The following HHIPL1 variants were observed in gnomAD, a reference collection of about 807,000 sequenced individuals.
HHIPL1 encodes the protein HHIP like 1, also known as HHIP-like protein 1.
Under a neutral mutation model 61.8 loss-of-function variants are expected in HHIPL1, and 43 were observed. The ratio of observed to expected loss-of-function variants is 0.70; its 90% CI spans 0.55 to 0.90. The LOEUF (loss-of-function observed/expected upper bound fraction) is 0.90, where lower values mean the gene tolerates loss of function less well. HHIPL1 is among the 40% of genes least tolerant of loss of function. HHIPL1 has a pLI of 0.00. For missense variants in HHIPL1, 1,056 were observed against 1,157.7 expected (o/e 0.91, Z 1.28); for synonymous variants, 482 against 515.8 (o/e 0.93, Z 0.89).
At chr14:99,613,252 TTC>T in the HHIPL1 span, among the ~76,000 whole-genome samples, 1 of 151,676 alleles carries the variant, frequency 6.6e-6, no homozygotes, top group African/African-American at 2.4e-5. Flanking sequence ...AGTGACAAAC[TTC>T]TTTTTGTTTT....
At chr14:99,622,941 C>T in the HHIPL1 span, among the ~76,000 whole-genome samples, 61 of 152,340 alleles carry the variant, frequency 4.0e-4, no homozygotes, top group African/African-American at 1.5e-3. Context: ...AATTTCAGAG[C>T]CTACCTGGGA....
At chr14:99,673,714 A>G (rs1595172283) in intron 8 of HHIPL1, among the ~76,000 whole-genome samples, 1 of 1,846 alleles carries the variant, frequency 5.4e-4, no homozygotes, top group Non-Finnish European at 1.0e-3. Context: ...GTGCACCTGG[A>G]GGGGTTGCAC....
rs1454999215 is a variant in HHIPL1 at position 99,675,567 on chromosome 14, A to G, written c.2290A>G (p.Asn764Asp). 6.5e-7 allele frequency: 1 copy of G among 1,537,258 alleles called. No individual in the cohort carries two copies. Among genetic ancestry groups the G allele is most frequent in the Admixed American group, 2.0e-5 (1 of 50,906 alleles). The part of the protein sequence containing the change: ...ECQHNGVGTH[N>D]CEHDEDAGVV... ...CCAGCACAACGGCGTGGGCACCCAC[A>G]ACTGCGAGCACGACGAGGATGCGGG... The change falls in exon 9 of 9, where the codon AAC (asparagine) becomes GAC (aspartate). Residue 764 changes from asparagine (N) to aspartate (D), a missense_variant. By Grantham distance (23) the Asn-to-Asp change is conservative (BLOSUM62 1). Coordinates refer to ENST00000330710, the MANE Select transcript of HHIPL1 (RefSeq NM_001127258.3). This position sits in a 1 kb window ranked among gnomAD's most constrained non-coding sequence, Gnocchi z 5.4.
At chr14:99,665,929 G>A (rs11623755) in intron 6 of HHIPL1, among the ~76,000 whole-genome samples, 37,051 of 151,910 alleles carry the variant, frequency 0.24, 5,069 homozygotes, top group African/African-American at 0.34. Flanking sequence ...CTATAGGTGC[G>A]CACCACCATG....
the HHIPL1 span, among the ~76,000 whole-genome samples, chr14:99,631,368 G>T: frequency 1.4e-4 from 21 of 152,154 alleles, no homozygotes; most frequent in Admixed American, 5.9e-4. Context: ...ACCGCGCCCG[G>T]CCTGGTTCCA....
the HHIPL1 span, among the ~76,000 whole-genome samples, chr14:99,635,406 C>T: frequency 2.7e-5 from 4 of 150,584 alleles, no homozygotes; most frequent in Admixed American, 2.0e-4. Context: ...ACTGAGAAGC[C>T]GGGGAATCAG....
In HHIPL1 at chr14:99,674,738, G is replaced by A. The variant is rs796507288; in HGVS notation, c.1814-353G>A. ...TCATTGCCTTCCAGAGTTATGAAGT[G>A]CCAGGAGCTGGCTCCCCCACCAACC... is the stretch of plus-strand genomic sequence containing the variant. On this transcript the variant is annotated intron_variant, in intron 8 of 8. Coordinates refer to ENST00000330710, the MANE Select transcript of HHIPL1 (RefSeq NM_001127258.3). Among the ~76,000 whole-genome samples the A allele has an allele frequency of 1.2e-4, 19 of 152,302 alleles. 1 individual carries two copies. The highest frequency in any genetic ancestry group is 4.6e-4 in the African/African-American group (19 of 41,562).
At chr14:99,650,453 C>T (rs1039710737) in intron 1 of HHIPL1, among the ~76,000 whole-genome samples, 1 of 152,204 alleles carries the variant, frequency 6.6e-6, no homozygotes, top group Non-Finnish European at 1.5e-5. Flanking sequence ...CACAGGCCGG[C>T]GGCTCTAACA....
chr14:99,616,621 T>C, the HHIPL1 span, among the ~76,000 whole-genome samples: 1 of 152,138 alleles, frequency 6.6e-6, no homozygotes, highest in East Asian at 1.9e-4. Flanking sequence ...CTCTGGGAAG[T>C]AGGAATTGGG....
At chr14:99,652,184 A>C (rs1595150578) in intron 1 of HHIPL1, 40 bp from the exon 2 acceptor site, 2 of 1,538,666 alleles carry the variant, frequency 1.3e-6, no homozygotes, top group African/African-American at 2.7e-5. Flanking sequence ...GCTGGTAAGC[A>C]CCTCCACAAA....
intron 1 of HHIPL1, among the ~76,000 whole-genome samples, chr14:99,648,811 G>A (rs996265624): frequency 2.0e-5 from 3 of 152,176 alleles, no homozygotes; most frequent in African/African-American, 7.2e-5. Context: ...AATATCCGAT[G>A]GACAGGACAC....
the HHIPL1 span, among the ~76,000 whole-genome samples, chr14:99,618,195 G>A: frequency 6.6e-6 from 1 of 152,152 alleles, no homozygotes; most frequent in Non-Finnish European, 1.5e-5. Flanking sequence ...AGGGGACACC[G>A]CTAGCTACCA....
rs138226329 is a variant in HHIPL1, at chr14:99,665,374, T to C, written c.1648+2353T>C. On this transcript the variant is annotated intron_variant, in intron 6 of 8. Transcript: ENST00000330710. ...CTCTCTGCGCATCAGTCCTTCCTTC[T>C]GGGTATGGGGCTGTCTCTGGAATGG... Among the ~76,000 whole-genome samples the C allele has an allele frequency of 7.9e-5, 12 of 152,294 alleles. No individual in the cohort carries two copies. In the East Asian group the frequency reaches 2.3e-3, roughly 29 times the overall value.
intron 1 of HHIPL1, among the ~76,000 whole-genome samples, chr14:99,649,163 G>A (rs117317592): frequency 2.0e-5 from 3 of 152,324 alleles, no homozygotes; most frequent in East Asian, 1.9e-4. Flanking sequence ...CATAGGCCAC[G>A]AGGAAGCATC....
chr14:99,632,911 T>C, the HHIPL1 span, among the ~76,000 whole-genome samples: 2 of 151,780 alleles, frequency 1.3e-5, no homozygotes, highest in East Asian at 3.9e-4. Context: ...AACAGAGAGA[T>C]AGACTATTTG....
the HHIPL1 span, among the ~76,000 whole-genome samples, chr14:99,621,709 C>CTTTTTTTTTTTTTTTTTTTTTTTTT: frequency 1.2e-5 from 1 of 84,532 alleles, no homozygotes; most frequent in Non-Finnish European, 2.1e-5. Flanking sequence ...CTTTTCTTTT[C>CTTTTTTTTTTTTTTTTTTTTTTTTT]TTTTTTTTTT....
intron 2 of HHIPL1, among the ~76,000 whole-genome samples, 172 bp from the exon 3 acceptor site, chr14:99,656,823 GAAAGA>G (rs2056041550): frequency 2.3e-4 from 1 of 4,344 alleles, no homozygotes; most frequent in African/African-American, 3.2e-4. Context: ...AAGAAAGAAA[GAAAGA>G]AAGAAAGAAA....
rs556580842 is a variant in HHIPL1 at position 99,645,432 on chromosome 14, C to T, written c.225C>T (p.Cys75=). 5 of 1,360,168 alleles carry T rather than the reference C, an allele frequency of 3.7e-6. No homozygotes were observed. The highest frequency in any genetic ancestry group is 3.1e-5 in the African/African-American group (2 of 65,560). 84.3% of individuals were successfully genotyped at this position (1,360,168 alleles called of 1,614,324 possible). ...TGGACGCCGCCGAGTGGGCCGCGTGCGCCGGCTACGCGAGGGACCTGCTGT... is the reference window on the plus strand; with the variant it reads ...TGGACGCCGCCGAGTGGGCCGCGTGTGCCGGCTACGCGAGGGACCTGCTGT... The part of the protein sequence containing the change: ...SRVDAAEWAA[C]AGYARDLLCQ... The change falls in exon 1 of 9, where the codon TGC becomes TGT. Residue 75 remains cysteine (C), a synonymous_variant. Coordinates refer to ENST00000330710, the MANE Select transcript of HHIPL1 (RefSeq NM_001127258.3).
intron 1 of HHIPL1, among the ~76,000 whole-genome samples, chr14:99,646,698 T>C (rs2055839247): frequency 6.6e-6 from 1 of 151,704 alleles, no homozygotes; most frequent in Non-Finnish European, 1.5e-5. Context: ...CACTTGACTC[T>C]GGGAGGCAGA....
Sources: gnomAD v4.1 joint callset for allele counts (sites outside exome capture counted in the v4.1 genomes callset) on GRCh38, gnomAD v4.1.1 for gene constraint, Gnocchi (gnomAD v3.1) non-coding constraint, MANE v1.5 for transcripts, NCBI Gene and HGNC (gene_info 2026-07-23, HGNC 2026-07-21) for gene names.